The following FRZB variants were observed in gnomAD, a reference collection of about 807,000 sequenced individuals.
The protein encoded by FRZB is secreted frizzled-related protein 3.
In FRZB, 34 loss-of-function variants were observed where a neutral mutation model predicts 32.5. The ratio of observed to expected loss-of-function variants is 1.05; its 90% confidence interval spans 0.80 to 1.39. The LOEUF is 1.39. Among genes scored for constraint, FRZB ranks in the 40% most tolerant of loss-of-function variants. The probability of loss-of-function intolerance (pLI) is 0.00; values close to 1 mark genes in which losing one functional copy is unlikely to be tolerated. For synonymous variants in FRZB, 170 were observed against 159.2 expected, an observed-to-expected ratio of 1.07 and a Z score of -0.51; for missense variants, 423 against 424.8, an observed-to-expected ratio of 1.00 and a Z score of 0.04.
At chr2:182,850,650 T>C (rs772526148) in intron 2 of FRZB, among the ~76,000 whole-genome samples, 2 of 152,230 alleles carry the variant, frequency 1.3e-5, no homozygotes, top group Non-Finnish European at 2.9e-5. Flanking sequence ...AGGTTGATTC[T>C]ACATTTTGGC....
intron 1 of FRZB, among the ~76,000 whole-genome samples, chr2:182,863,868 A>C (rs1367921362): frequency 6.6e-6 from 1 of 151,636 alleles, no homozygotes; most frequent in African/African-American, 2.4e-5. Context: ...GAGACCCTTC[A>C]GGCTACAATC....
intron 2 of FRZB, among the ~76,000 whole-genome samples, chr2:182,853,510 A>G (rs1449169076): frequency 6.6e-6 from 1 of 152,204 alleles, no homozygotes; most frequent in Non-Finnish European, 1.5e-5. Flanking sequence ...ATGATTTCCA[A>G]CTGATTTCAT....
chr2:182,837,917 G>C, intron 5 of FRZB, 31 bp downstream of exon 5: 1 of 1,562,904 alleles, frequency 6.4e-7, no homozygotes, highest in Non-Finnish European at 8.8e-7. Flanking sequence ...TGTTTTCTGT[G>C]TATTACTTCA....
chr2:182,844,297 T>G (rs565636133), intron 2 of FRZB, among the ~76,000 whole-genome samples: 1 of 152,216 alleles, frequency 6.6e-6, no homozygotes, highest in Admixed American at 6.5e-5. Context: ...CAAAAACTAT[T>G]CCAAAAATAA....
chr2:182,856,112 C>G (rs908914619), intron 2 of FRZB, among the ~76,000 whole-genome samples: 1 of 151,850 alleles, frequency 6.6e-6, no homozygotes, highest in African/African-American at 2.4e-5. Flanking sequence ...GCCAGCAGAA[C>G]TGCTTTAAAA....
chr2:182,858,815 C>G lies in FRZB; in HGVS notation c.497G>C (p.Ser166Thr). ...ADGADFPMDS[S>T]NGNCRGASSE... ...GCTTGCCCCTCTACAGTTTCCGTTA[C>G]TAGAATCCATAGGAAAATCTGAAAG... The change falls in exon 2 of 6, where the codon AGT becomes ACT. Residue 166 changes from serine to threonine, a missense_variant. By Grantham distance (58) the Ser-to-Thr change is moderately conservative. Transcript: ENST00000295113. 6.2e-7 allele frequency: 1 copy of G among 1,610,352 alleles called. No individual in the cohort carries two copies. The highest frequency in any genetic ancestry group is 8.5e-7 in the Non-Finnish European group (1 of 1,177,572).
intron 2 of FRZB, among the ~76,000 whole-genome samples, chr2:182,844,359 C>A (rs1306042324): frequency 6.6e-6 from 1 of 152,056 alleles, no homozygotes; most frequent in Non-Finnish European, 1.5e-5. Context: ...AAAAAGTTAC[C>A]TAGCTTTTGG....
At chr2:182,853,189 G>A (rs1231403707) in intron 2 of FRZB, among the ~76,000 whole-genome samples, 1 of 152,114 alleles carries the variant, frequency 6.6e-6, no homozygotes, top group African/African-American at 2.4e-5. Flanking sequence ...CCAGAGAACT[G>A]GAAAACATTT....
intron 5 of FRZB, 33 bp from the exon 6 acceptor site, chr2:182,834,998 C>G (rs1409020296): frequency 7.1e-7 from 1 of 1,400,414 alleles, no homozygotes; most frequent in South Asian, 1.2e-5. Context: ...TAGTCACAAG[C>G]ACATATCACC....
At chr2:182,852,907 T>A (rs914985448) in intron 2 of FRZB, among the ~76,000 whole-genome samples, 6 of 152,252 alleles carry the variant, frequency 3.9e-5, no homozygotes, top group Admixed American at 6.5e-5. Context: ...AAGAATATAT[T>A]AACTAGAGTG....
intron 4 of FRZB, 98 bp downstream of exon 4, chr2:182,838,311 T>C: frequency 9.8e-7 from 1 of 1,016,654 alleles, no homozygotes; most frequent in Non-Finnish European, 1.5e-6. Context: ...GGTAGACAGA[T>C]CCCAATGTAA....
chr2:182,849,297 G>C (rs905318701), intron 2 of FRZB, among the ~76,000 whole-genome samples: 4 of 151,686 alleles, frequency 2.6e-5, no homozygotes, highest in African/African-American at 9.7e-5. Context: ...ATCTTGATCT[G>C]GATGATGGTT....
Position 182,837,954 on chromosome 2 carries a change from T to G in FRZB, c.855A>C (p.Lys285Asn). 1 of 1,611,260 alleles carries G rather than the reference T, an allele frequency of 6.2e-7. No homozygotes were observed. Among genetic ancestry groups the G allele is most frequent in the African/African-American group, 1.3e-5 (1 of 74,916 alleles). Reference protein sequence around the residue: ...AEKWKDRLGKKVKRWDMKLRH... With the variant: ...AEKWKDRLGKNVKRWDMKLRH... ...ACATAAAATACAGGCTTACCTTAACTTTTTTACCGAGTCGATCCTTCCACT... is the reference window on the plus strand; with the variant it reads ...ACATAAAATACAGGCTTACCTTAACGTTTTTACCGAGTCGATCCTTCCACT... The change falls in exon 5 of 6, where the codon AAA (lysine) becomes AAC (asparagine). Residue 285 changes from lysine (K) to asparagine (N), a missense_variant. Coordinates refer to ENST00000295113, the MANE Select transcript of FRZB (RefSeq NM_001463.4).
rs200550128 is a variant in FRZB at position 182,838,060 on chromosome 2, C to A, written c.798-49G>T. On this transcript the variant is annotated intron_variant, in intron 4 of 5. Transcript: ENST00000295113. ...ATTTTTGAAAAATTAAAACCTGTTA[C>A]TGAAAAGTACAAGGAAACAGTACTT... The A allele has an allele frequency of 1.1e-5, 16 of 1,413,932 alleles. No individual in the cohort carries two copies. The African/African-American group carries it at 2.3e-4, about 20-fold the overall frequency. The allele number at this position is 1,413,932 out of a possible 1,614,324, so 87.6% of individuals were successfully genotyped here. A position where few individuals can be genotyped will look rare whatever the true frequency, so the allele number is the denominator to read the frequency against.
chr2:182,862,949 T>C (rs1695849608), intron 1 of FRZB, among the ~76,000 whole-genome samples: 1 of 152,062 alleles, frequency 6.6e-6, no homozygotes, highest in Admixed American at 6.5e-5. Flanking sequence ...TTTGTATTTT[T>C]AGTAGAGACA....
intron 3 of FRZB, among the ~76,000 whole-genome samples, chr2:182,839,756 C>T (rs1695566069): frequency 1.3e-5 from 2 of 151,962 alleles, no homozygotes; most frequent in African/African-American, 4.8e-5. Flanking sequence ...GCATTTCTCC[C>T]AGTACCCTCA....
intron 1 of FRZB, among the ~76,000 whole-genome samples, chr2:182,865,797 T>A (rs1695883058): frequency 6.6e-6 from 1 of 152,116 alleles, no homozygotes; most frequent in Non-Finnish European, 1.5e-5. Flanking sequence ...GGAGTAGAAG[T>A]GTGATGGGTT....
Position 182,834,617 on chromosome 2 carries a change from A to G in FRZB, c.*232T>C. The G allele has an allele frequency of 2.0e-6, 1 of 490,480 alleles. No individual in the cohort carries two copies. Among genetic ancestry groups the G allele is most frequent in the Non-Finnish European group, 3.6e-6 (1 of 274,412 alleles). 30.4% of individuals were successfully genotyped at this position (490,480 alleles called of 1,614,324 possible). On this transcript the variant is annotated 3_prime_UTR_variant, in exon 6 of 6. Coordinates refer to ENST00000295113, the MANE Select transcript of FRZB (RefSeq NM_001463.4). ...GAACAGTTTTTCTCATGATTAGTGA[A>G]ATAGAAAACTCACAATATACTTAAG... is the stretch of plus-strand genomic sequence containing the variant.
At chr2:182,846,237 G>A (rs1232901517) in intron 2 of FRZB, among the ~76,000 whole-genome samples, 1 of 152,164 alleles carries the variant, frequency 6.6e-6, no homozygotes, top group African/African-American at 2.4e-5. Context: ...ACTATTTAAT[G>A]CAACATTGTT....
Sources: allele counts gnomAD v4.1 joint callset (sites outside exome capture counted in the v4.1 genomes callset), GRCh38; gene constraint gnomAD v4.1.1; transcripts MANE v1.5; gene names NCBI Gene and HGNC (gene_info 2026-07-23, HGNC 2026-07-21).